The following RASGEF1C variants were observed in gnomAD, a reference collection of about 807,000 sequenced individuals.
RASGEF1C encodes ras-GEF domain-containing family member 1C.
In RASGEF1C, 27 loss-of-function variants were observed where a neutral mutation model predicts 58.1. That is an observed-to-expected ratio of 0.46 (90% CI 0.34 to 0.64). The LOEUF is 0.64. Ranked by LOEUF, RASGEF1C falls within the 30% of genes least tolerant of loss-of-function variation. The pLI, the probability that RASGEF1C is intolerant of heterozygous loss-of-function variation, is 0.01. For synonymous variants in RASGEF1C, 243 were observed against 246.3 expected, an observed-to-expected ratio of 0.99 and a Z score of 0.13; for missense variants, 502 against 605.1, an observed-to-expected ratio of 0.83 and a Z score of 1.79.
At chr5:180,135,050 C>CA (rs112559448) in intron 4 of RASGEF1C, among the ~76,000 whole-genome samples, 3,382 of 144,802 alleles carry the variant, frequency 0.023, 83 homozygotes, top group African/African-American at 0.064. Flanking sequence ...TCCCCACCCC[C>CA]CCCGTCCAAT....
intron 4 of RASGEF1C, among the ~76,000 whole-genome samples, chr5:180,134,595 T>C (rs539678289): frequency 6.6e-6 from 1 of 151,404 alleles, no homozygotes; most frequent in East Asian, 2.0e-4. Context: ...CCTCCCCTTT[T>C]ATACAGTGAC....
rs1395756916 is a variant in RASGEF1C at position 180,137,075 on chromosome 5, A to G, written c.300+515T>C. ...AGCGGCAGCAGAGGGCGGGAGGGAG[A>G]CAGGCCACGGTGCAGTGCTGTGGTG... On this transcript the variant is annotated intron_variant, in intron 3 of 13. Coordinates refer to ENST00000361132, the MANE Select transcript of RASGEF1C (RefSeq NM_175062.4). This position sits in a 1 kb window ranked among gnomAD's most constrained non-coding sequence, Gnocchi z 4.1. 6.6e-6 allele frequency among the ~76,000 whole-genome samples: 1 copy of G among 152,168 alleles called. No individual in the cohort carries two copies. The highest frequency in any genetic ancestry group is 1.5e-5 in the Non-Finnish European group (1 of 68,024).
At chr5:180,174,458 GCATGTC>G (rs1305465760) in intron 1 of RASGEF1C, among the ~76,000 whole-genome samples, 2 of 106,950 alleles carry the variant, frequency 1.9e-5, no homozygotes, top group East Asian at 6.3e-4. Context: ...GTGCGTGTGT[GCATGTC>G]TGTGTGTATG....
intron 4 of RASGEF1C, chr5:180,135,324 G>A (rs1441276550): frequency 1.3e-5 from 2 of 152,320 alleles, no homozygotes; most frequent in East Asian, 3.9e-4. Context: ...TCTGCTGTGG[G>A]CGTTTGGCTT....
intron 11 of RASGEF1C, 64 bp downstream of exon 11, chr5:180,114,367 TGTCCAAGGGCCAGTG>T (rs1156352653): frequency 7.3e-7 from 1 of 1,374,474 alleles, no homozygotes; most frequent in Non-Finnish European, 1.0e-6. Context: ...TGAGGCTGGG[TGTCCAAGGGCCAGTG>T]GTCCTGCCCT....
At chr5:180,194,892 C>T (rs1408567069) in intron 1 of RASGEF1C, among the ~76,000 whole-genome samples, 1 of 151,696 alleles carries the variant, frequency 6.6e-6, no homozygotes, top group Admixed American at 6.6e-5. Context: ...CTCAGAGCTG[C>T]GGCTTCTCCT....
At chr5:180,105,068 G>A (rs1414300919) in intron 12 of RASGEF1C, among the ~76,000 whole-genome samples, 1 of 152,134 alleles carries the variant, frequency 6.6e-6, no homozygotes, top group Non-Finnish European at 1.5e-5. Flanking sequence ...CACTCATCAG[G>A]CACTTCTGCA....
chr5:180,141,350 C>T lies in RASGEF1C; in HGVS notation c.-6-3292G>A, dbSNP rs528240378. Among the ~76,000 whole-genome samples, 19 of 152,342 alleles carry T rather than the reference C, an allele frequency of 1.2e-4. No homozygotes were observed. The South Asian group carries it at 2.9e-3, about 23-fold the overall frequency. The stretch of plus-strand genomic sequence containing the variant: ...ATCAGTGACGAATGGATGGAGAAAA[C>T]GCCTCTCCACACAGTGGGGCAGGAG... On this transcript the variant is annotated intron_variant, in intron 1 of 13. Coordinates refer to ENST00000361132, the MANE Select transcript of RASGEF1C (RefSeq NM_175062.4).
intron 1 of RASGEF1C, among the ~76,000 whole-genome samples, chr5:180,163,886 T>C (rs6601087): frequency 0.98 from 149,414 of 152,266 alleles, 73,364 homozygotes; most frequent in East Asian, 1. Context: ...TTCTAAGATT[T>C]GAAATGATAA....
intron 1 of RASGEF1C, among the ~76,000 whole-genome samples, chr5:180,146,151 A>T (rs1025619260): frequency 6.6e-6 from 1 of 151,946 alleles, no homozygotes; most frequent in Non-Finnish European, 1.5e-5. Flanking sequence ...CTTTCCCCCA[A>T]TGTTTTTTTG....
rs143441694 is a variant in RASGEF1C, at chr5:180,143,096, C to T, written c.-6-5038G>A. Among the ~76,000 whole-genome samples, 9 of 152,234 alleles carry T rather than the reference C, an allele frequency of 5.9e-5. No homozygotes were observed. Among genetic ancestry groups the T allele is most frequent in the Non-Finnish European group, 1.2e-4 (8 of 67,998 alleles). Reference sequence around the variant, plus strand: ...CCTGCACCTGGAGGTCCTGGGGCTCCTGCAGCAGTTCAAGAGACAGCAGGC... The same window carrying T: ...CCTGCACCTGGAGGTCCTGGGGCTCTTGCAGCAGTTCAAGAGACAGCAGGC... On this transcript the variant is annotated intron_variant, in intron 1 of 13. Transcript: ENST00000361132. This position sits in a 1 kb window ranked among gnomAD's most constrained non-coding sequence, Gnocchi z 4.3.
intron 7 of RASGEF1C, among the ~76,000 whole-genome samples, chr5:180,120,722 G>A (rs923184126): frequency 6.6e-6 from 1 of 152,208 alleles, no homozygotes; most frequent in East Asian, 1.9e-4. Context: ...CCAGCCAAAC[G>A]AGGCCCGTTG....
At chr5:180,189,215 A>G (rs2113331583) in intron 1 of RASGEF1C, among the ~76,000 whole-genome samples, 1 of 152,356 alleles carries the variant, frequency 6.6e-6, no homozygotes, top group East Asian at 1.9e-4. Flanking sequence ...GAAACACTCA[A>G]GGCTGAATCT....
At chr5:180,139,204 C>T (rs1368761378) in intron 1 of RASGEF1C, among the ~76,000 whole-genome samples, 3 of 152,150 alleles carry the variant, frequency 2.0e-5, no homozygotes, top group African/African-American at 7.2e-5. Flanking sequence ...CCCTCTAGGC[C>T]AGTCTTCCTT....
At chr5:180,105,010 G>A (rs558126737) in intron 12 of RASGEF1C, among the ~76,000 whole-genome samples, 155 of 152,242 alleles carry the variant, frequency 1.0e-3, no homozygotes, top group African/African-American at 3.6e-3. Context: ...CAGATAGTAC[G>A]GAATCCTGTA....
intron 11 of RASGEF1C, among the ~76,000 whole-genome samples, chr5:180,113,440 G>A (rs1439838255): frequency 2.1e-5 from 1 of 46,706 alleles, no homozygotes; most frequent in Non-Finnish European, 4.4e-5. Flanking sequence ...GGAGGGATCC[G>A]GGATGGACGG....
At chr5:180,122,203 C>T (rs1310622078) in intron 6 of RASGEF1C, among the ~76,000 whole-genome samples, 1 of 152,206 alleles carries the variant, frequency 6.6e-6, no homozygotes, top group East Asian at 1.9e-4. Context: ...TTGCATTTCC[C>T]CCCGGGAGCG....
In RASGEF1C at chr5:180,101,528, G is replaced by T; in HGVS notation, c.1377-3C>A. The T allele has an allele frequency of 6.2e-7, 1 of 1,612,230 alleles. No individual in the cohort carries two copies. ...ATGTCTTCCCCAAAATAGAAGATCT[G>T]CAGATTTAAGCATGTCGGGAGCGGT... On this transcript the variant is annotated splice_region_variant and splice_polypyrimidine_tract_variant and intron_variant, in intron 13 of 13. Coordinates refer to ENST00000361132, the MANE Select transcript of RASGEF1C (RefSeq NM_175062.4).
intron 1 of RASGEF1C, among the ~76,000 whole-genome samples, chr5:180,173,195 C>T (rs774392726): frequency 2.0e-5 from 3 of 152,240 alleles, no homozygotes; most frequent in South Asian, 2.1e-4. Context: ...AGAATCAGTG[C>T]GTCTGCTTTC....
Sources: allele counts gnomAD v4.1 joint callset (sites outside exome capture counted in the v4.1 genomes callset), GRCh38; gene constraint gnomAD v4.1.1; non-coding constraint Gnocchi (gnomAD v3.1); transcripts MANE v1.5; gene names NCBI Gene and HGNC (gene_info 2026-07-23, HGNC 2026-07-21).